Variants in ATAD1 observed in about 807,000 individuals in gnomAD.
The protein encoded by ATAD1 is outer mitochondrial transmembrane helix translocase.
A neutral mutation model predicts 42.7 loss-of-function variants in ATAD1; 18 were observed. The ratio of observed to expected loss-of-function variants is 0.42; its 90% CI spans 0.29 to 0.63. The LOEUF (loss-of-function observed/expected upper bound fraction) is 0.63, where lower values mean the gene tolerates loss of function less well. Ranked by LOEUF, ATAD1 falls within the 20% of genes least tolerant of loss-of-function variation. ATAD1 has a pLI of 0.19. For synonymous variants in ATAD1, 132 were observed against 143.1 expected, an observed-to-expected ratio of 0.92 and a Z score of 0.55; for missense variants, 294 against 440.4, an observed-to-expected ratio of 0.67 and a Z score of 2.98.
At chr10:87,767,787 T>A in intron 7 of ATAD1, 64 bp from the exon 8 acceptor site, 1 of 1,470,078 alleles carries the variant, frequency 6.8e-7, no homozygotes. Context: ...GATCAAGTAG[T>A]GTTCCTAATA....
rs1485374754 is a variant in ATAD1 at position 87,752,274 on chromosome 10, A to G, written c.*2413T>C. 1.3e-5 allele frequency: 2 copies of G among 152,226 alleles called. No individual in the cohort carries two copies. Among genetic ancestry groups the G allele is most frequent in the East Asian group, 3.8e-4 (2 of 5,196 alleles). The allele number at this position is 152,226 out of a possible 1,614,324, so 9.4% of individuals were successfully genotyped here. A position where few individuals can be genotyped will look rare whatever the true frequency, so the allele number is the denominator to read the frequency against. The stretch of plus-strand genomic sequence containing the variant: ...ATGCTTTTAGAGAAACATGGCATAA[A>G]TGATCCTTTCAGTCTCAATCCCTGG... On this transcript the variant is annotated 3_prime_UTR_variant, in exon 10 of 10. Coordinates refer to ENST00000680024, the MANE Select transcript of ATAD1 (RefSeq NM_001321967.2).
chr10:87,835,419 T>A (rs1350020278), intron 1 of ATAD1, among the ~76,000 whole-genome samples: 1 of 152,200 alleles, frequency 6.6e-6, no homozygotes. Context: ...CTTCTTTATC[T>A]CCAGTAATTT....
intron 2 of ATAD1, among the ~76,000 whole-genome samples, chr10:87,797,128 C>T (rs1011344848): frequency 1.3e-5 from 2 of 152,140 alleles, no homozygotes; most frequent in African/African-American, 4.8e-5. Flanking sequence ...TAACAACTAG[C>T]TGGTCTTAAT....
chr10:87,789,490 G>A (rs538349345), intron 4 of ATAD1, among the ~76,000 whole-genome samples: 3 of 152,266 alleles, frequency 2.0e-5, no homozygotes, highest in African/African-American at 2.4e-5. Flanking sequence ...GGAGGCCAAC[G>A]CAGGTGAAGA....
At chr10:87,811,394 A>T (rs1230290612) in intron 2 of ATAD1, among the ~76,000 whole-genome samples, 1 of 152,116 alleles carries the variant, frequency 6.6e-6, no homozygotes, top group African/African-American at 2.4e-5. Context: ...AAGCTTCTTT[A>T]GCTGTTTTCA....
At chr10:87,798,576 G>C (rs1004582817) in intron 2 of ATAD1, among the ~76,000 whole-genome samples, 4 of 147,972 alleles carry the variant, frequency 2.7e-5, no homozygotes, top group African/African-American at 7.5e-5. Context: ...GCAAGCCAGT[G>C]AATTTGTATT....
chr10:87,780,711 T>C (rs1340631095), intron 5 of ATAD1, among the ~76,000 whole-genome samples: 15 of 152,266 alleles, frequency 9.9e-5, no homozygotes. Flanking sequence ...GATGTGATTA[T>C]GCTACCGTCT....
At chr10:87,835,777 A>T (rs944937503) in intron 1 of ATAD1, among the ~76,000 whole-genome samples, 2 of 151,694 alleles carry the variant, frequency 1.3e-5, no homozygotes, top group Non-Finnish European at 2.9e-5. Context: ...TATATTTTTT[A>T]AAATTCCATA....
upstream of ATAD1, among the ~76,000 whole-genome samples, chr10:87,823,054 ATGAAT>A (rs1857659788): frequency 1.3e-5 from 2 of 151,952 alleles, no homozygotes; most frequent in South Asian, 2.1e-4. Context: ...AAGTAGAAAG[ATGAAT>A]TGATAACTCC....
intron 1 of ATAD1, among the ~76,000 whole-genome samples, chr10:87,826,670 C>G (rs1326727201): frequency 1.3e-5 from 2 of 152,206 alleles, no homozygotes; most frequent in African/African-American, 2.4e-5. Context: ...GTTACATAAA[C>G]TAGCTTTCCA....
intron 2 of ATAD1, among the ~76,000 whole-genome samples, chr10:87,802,226 C>T (rs1005213015): frequency 2.6e-5 from 4 of 152,034 alleles, no homozygotes; most frequent in Non-Finnish European, 5.9e-5. Context: ...GTGTGCTTTC[C>T]TTTAAGGAAT....
intron 2 of ATAD1, among the ~76,000 whole-genome samples, chr10:87,813,701 A>G (rs962683926): frequency 6.6e-6 from 1 of 152,058 alleles, no homozygotes; most frequent in African/African-American, 2.4e-5. Flanking sequence ...AATCTGTCAC[A>G]ACTCACAAGA....
At chr10:87,839,890 A>G (rs181783514) in intron 1 of ATAD1, among the ~76,000 whole-genome samples, 14 of 152,298 alleles carry the variant, frequency 9.2e-5, no homozygotes, top group Admixed American at 2.6e-4. Context: ...TTTTCCTTGT[A>G]TGCTGCCTTC....
chr10:87,832,600 A>T (rs1007367147), intron 1 of ATAD1, among the ~76,000 whole-genome samples: 1 of 152,020 alleles, frequency 6.6e-6, no homozygotes, highest in Admixed American at 6.6e-5. Flanking sequence ...TGACTTTTCT[A>T]ATGATTTTAA....
intron 8 of ATAD1, among the ~76,000 whole-genome samples, chr10:87,762,545 A>G (rs1043947932): frequency 9.3e-5 from 14 of 150,810 alleles, no homozygotes; most frequent in Non-Finnish European, 1.8e-4. Context: ...GCTCACTGCA[A>G]CCTCTGCCTC....
intron 8 of ATAD1, among the ~76,000 whole-genome samples, chr10:87,762,915 AAAAAT>A (rs1854555080): frequency 2.0e-5 from 2 of 101,148 alleles, no homozygotes; most frequent in South Asian, 4.5e-4. Flanking sequence ...CTAAAAAAAA[AAAAAT>A]ATATATATAT....
At chr10:87,769,935 C>T (rs1336751768) in intron 7 of ATAD1, among the ~76,000 whole-genome samples, 3 of 151,594 alleles carry the variant, frequency 2.0e-5, no homozygotes, top group Non-Finnish European at 4.4e-5. Context: ...AGGCAAGACT[C>T]TGTCTCAAAG....
At chr10:87,786,386 T>C (rs1221722089) in intron 4 of ATAD1, among the ~76,000 whole-genome samples, 1 of 152,258 alleles carries the variant, frequency 6.6e-6, no homozygotes, top group East Asian at 1.9e-4. Flanking sequence ...TTGATTCAAA[T>C]TATTCATCTA....
chr10:87,777,464 G>C (rs1053512950), intron 5 of ATAD1, among the ~76,000 whole-genome samples: 1 of 152,034 alleles, frequency 6.6e-6, no homozygotes, highest in Non-Finnish European at 1.5e-5. Context: ...TTAAGGACAA[G>C]TTTAACTTTC....
Sources: allele counts gnomAD v4.1 joint callset (sites outside exome capture counted in the v4.1 genomes callset), GRCh38; gene constraint gnomAD v4.1.1; transcripts MANE v1.5; gene names NCBI Gene and HGNC (gene_info 2026-07-23, HGNC 2026-07-21).